Variants in U2SURP observed in about 807,000 individuals in gnomAD.
U2SURP encodes the protein U2 snRNP-associated SURP motif-containing protein.
U2SURP carries 9 observed loss-of-function variants against 144.9 expected under a neutral mutation model. The observed-to-expected ratio is 0.06, with a 90% CI of 0.04 to 0.11. The LOEUF is 0.11. Ranked by LOEUF, U2SURP falls within the 10% of genes least tolerant of loss-of-function variation. U2SURP has a pLI of 1.00. For missense variants in U2SURP, 724 were observed against 1,226.7 expected (o/e 0.59, Z 6.12); for synonymous variants, 408 against 396.8 (o/e 1.03, Z -0.33).
intron 2 of U2SURP, among the ~76,000 whole-genome samples, chr3:143,011,431 CTG>C (rs2108272411): frequency 6.6e-6 from 1 of 152,270 alleles, no homozygotes; most frequent in Admixed American, 6.5e-5. Context: ...CTGAGAATCT[CTG>C]AGAAGGGTCT....
intron 20 of U2SURP, chr3:143,036,885 C>A: frequency 5.7e-6 from 2 of 348,766 alleles, no homozygotes; most frequent in Non-Finnish European, 1.0e-5. Flanking sequence ...TTCCCCCACC[C>A]CTGCAAAACA....
intron 21 of U2SURP, among the ~76,000 whole-genome samples, chr3:143,037,712 T>G (rs1021107867): frequency 2.6e-5 from 4 of 152,150 alleles, no homozygotes; most frequent in African/African-American, 9.6e-5. Context: ...ACTTACAACT[T>G]CAGTTTTCCT....
rs375576161 is a variant in U2SURP, at chr3:143,042,516, A to T, written c.2385-601A>T. Reference sequence around the variant, plus strand: ...TTTGGGTTACATGGATATATTATTTAGTGGTGATTACTGAGATTTTGGTGC... The same window carrying T: ...TTTGGGTTACATGGATATATTATTTTGTGGTGATTACTGAGATTTTGGTGC... On this transcript the variant is annotated intron_variant, in intron 23 of 27. Transcript: ENST00000473835. 9.2e-5 allele frequency among the ~76,000 whole-genome samples: 14 copies of T among 152,014 alleles called. No homozygotes were observed. In the South Asian group the frequency reaches 2.7e-3, roughly 29 times the overall value.
chr3:143,044,557 C>G (rs915515644), intron 24 of U2SURP, among the ~76,000 whole-genome samples: 9 of 152,058 alleles, frequency 5.9e-5, no homozygotes, highest in Non-Finnish European at 1.3e-4. Flanking sequence ...ATTCAGACAT[C>G]TCAGAGAAGG....
chr3:143,054,386 G>A (rs907886669), intron 26 of U2SURP, among the ~76,000 whole-genome samples: 7 of 152,102 alleles, frequency 4.6e-5, no homozygotes, highest in Non-Finnish European at 8.8e-5. Context: ...GCTTAGTCAC[G>A]CTACAGATAG....
At chr3:143,045,098 C>T (rs967455065) in intron 24 of U2SURP, among the ~76,000 whole-genome samples, 3 of 152,134 alleles carry the variant, frequency 2.0e-5, no homozygotes, top group African/African-American at 4.8e-5. Context: ...TGGCCAGCTG[C>T]GGTGGCTCAT....
At chr3:143,030,943 A>G (rs1016303474) in intron 16 of U2SURP, among the ~76,000 whole-genome samples, 53 of 152,214 alleles carry the variant, frequency 3.5e-4, no homozygotes, top group Non-Finnish European at 1.2e-4. Flanking sequence ...ATAAAAATCG[A>G]CATTAACAGG....
At chr3:143,014,835 A>G (rs1936285154) in intron 4 of U2SURP, among the ~76,000 whole-genome samples, 1 of 151,674 alleles carries the variant, frequency 6.6e-6, no homozygotes, top group Non-Finnish European at 1.5e-5. Flanking sequence ...ATATGCAATC[A>G]TTTATTCAAC....
intron 23 of U2SURP, 40 bp downstream of exon 23, chr3:143,039,000 AT>A (rs1464392832): frequency 7.7e-7 from 1 of 1,306,864 alleles, no homozygotes; most frequent in African/African-American, 1.5e-5. Flanking sequence ...TCTTGTTCAT[AT>A]ACACTCCCCT....
chr3:143,039,411 A>C (rs1412841905), intron 23 of U2SURP, among the ~76,000 whole-genome samples: 1 of 151,860 alleles, frequency 6.6e-6, no homozygotes, highest in East Asian at 1.9e-4. Context: ...AAAGGAAAAA[A>C]TCTTTTCTTT....
intron 22 of U2SURP, 86 bp from the exon 23 acceptor site, chr3:143,038,808 A>C (rs763615879): frequency 5.1e-5 from 50 of 988,698 alleles, no homozygotes; most frequent in Non-Finnish European, 6.8e-5. Context: ...TAAACTTTTC[A>C]ATTCTAAAGC....
chr3:143,036,108 G>A lies in U2SURP; in HGVS notation c.2064+4G>A. On this transcript the variant is annotated splice_donor_region_variant and intron_variant, in intron 20 of 27. Transcript: ENST00000473835. The stretch of plus-strand genomic sequence containing the variant: ...TATTGAAGAAAAGGAAACAGAGGTA[G>A]GCAGTCTGTATTTGTCTGGTTGTTT... The A allele has an allele frequency of 1.3e-6, 2 of 1,599,282 alleles. No homozygotes were observed. The highest frequency in any genetic ancestry group is 1.7e-6 in the Non-Finnish European group (2 of 1,175,284).
At position 143,019,971 on chromosome 3, in the gene U2SURP, A is replaced by T; in HGVS notation, c.573A>T (p.Pro191=). Residue 191 remains proline (P), a splice_region_variant and synonymous_variant, in exon 7 of 28, where the codon CCA becomes CCT. Transcript: ENST00000473835. ...ATAACTTGTCATATCCTTTATAGCC[A>T]CTTAAAAAAGGAGAGAAAGAAAAGA... The part of the protein sequence containing the change: ...SLLVIETKKP[P]LKKGEKEKKK... 1.3e-6 allele frequency: 2 copies of T among 1,508,122 alleles called. No individual in the cohort carries two copies. Among genetic ancestry groups the T allele is most frequent in the Non-Finnish European group, 1.8e-6 (2 of 1,119,828 alleles). The allele number at this position is 1,508,122 out of a possible 1,614,324, so 93.4% of individuals were successfully genotyped here. A position where few individuals can be genotyped will look rare whatever the true frequency, so the allele number is the denominator to read the frequency against.
intron 18 of U2SURP, 32 bp from the exon 19 acceptor site, chr3:143,034,856 T>A (rs777143196): frequency 1.5e-5 from 21 of 1,409,322 alleles, no homozygotes; most frequent in Non-Finnish European, 2.1e-5. Context: ...TTTAAACATT[T>A]TATTTTAAAG....
intron 1 of U2SURP, among the ~76,000 whole-genome samples, chr3:143,002,668 T>G (rs1340862560): frequency 3.3e-5 from 5 of 152,310 alleles, no homozygotes; most frequent in East Asian, 1.9e-4. Flanking sequence ...TATTAGAAAG[T>G]TAAATTTACG....
Position 143,032,854 on chromosome 3 carries a change from G to A in U2SURP, c.1681G>A (p.Val561Ile), listed in dbSNP as rs1309160845. 3 of 1,613,664 alleles carry A rather than the reference G, an allele frequency of 1.9e-6. No homozygotes were observed. The highest frequency in any genetic ancestry group is 4.5e-5 in the East Asian group (2 of 44,802). ...GAAAAATGATATTGGAGATGCAATG[G>A]TTTTCTGTCTTAATAATGCTGAAGC... ...PRKNDIGDAM[V>I]FCLNNAEAAE... The change falls in exon 17 of 28, where the codon GTT becomes ATT. Residue 561 changes from valine to isoleucine, a missense_variant. By Grantham distance (29) the Val-to-Ile change is conservative. Transcript: ENST00000473835.
At chr3:143,006,738 G>A (rs1013273998) in intron 1 of U2SURP, among the ~76,000 whole-genome samples, 6 of 152,040 alleles carry the variant, frequency 3.9e-5, no homozygotes, top group Non-Finnish European at 4.4e-5. Context: ...GCGAAACTCC[G>A]TCTCAAAAAA....
At chr3:143,005,255 G>C (rs1319242477) in intron 1 of U2SURP, among the ~76,000 whole-genome samples, 4 of 151,460 alleles carry the variant, frequency 2.6e-5, no homozygotes, top group African/African-American at 9.7e-5. Flanking sequence ...TTTGGGAACT[G>C]TTTTGATTGA....
intron 10 of U2SURP, 124 bp downstream of exon 10, chr3:143,021,679 T>A: frequency 1.1e-6 from 1 of 939,350 alleles, no homozygotes; most frequent in Non-Finnish European, 1.6e-6. Flanking sequence ...GTCTTTAGAG[T>A]TGTCTTACTG....
Sources: gnomAD v4.1 joint callset for allele counts (sites outside exome capture counted in the v4.1 genomes callset) on GRCh38, gnomAD v4.1.1 for gene constraint, MANE v1.5 for transcripts, NCBI Gene and HGNC (gene_info 2026-07-23, HGNC 2026-07-21) for gene names.